SZT2: variants seen among roughly 807,000 people sequenced by gnomAD.
The protein encoded by SZT2 is SZT2 subunit of KICSTOR complex.
A neutral mutation model predicts 404.2 loss-of-function variants in SZT2; 216 were observed. The observed-to-expected ratio is 0.53, with a 90% CI of 0.48 to 0.60. SZT2 has a LOEUF of 0.60. SZT2 is among the 20% of genes least tolerant of loss of function. The pLI is 0.00. For synonymous variants in SZT2, 1,693 were observed against 1,749.9 expected (o/e 0.97, Z 0.81); for missense variants, 3,857 against 4,459.2 (o/e 0.86, Z 3.85).
At position 43,420,999 on chromosome 1, in the gene SZT2, A is replaced by C; in HGVS notation, c.1496+16A>C. The C allele has an allele frequency of 6.3e-7, 1 of 1,597,556 alleles. No individual in the cohort carries two copies. The highest frequency in any genetic ancestry group is 8.5e-7 in the Non-Finnish European group (1 of 1,179,034). The stretch of plus-strand genomic sequence containing the variant: ...CGCTGCAGAGGTCAGTGAAGTCATC[A>C]CTCAATGAGTGCTGCCCCATTTGTT... On this transcript the variant is annotated intron_variant, in intron 10 of 71. Coordinates refer to ENST00000634258, the MANE Select transcript of SZT2 (RefSeq NM_001365999.1). The surrounding 1 kb of genome is among the most constrained non-coding windows in gnomAD (Gnocchi z 5.1).
Position 43,431,024 on chromosome 1 carries a change from A to G in SZT2, c.4850A>G (p.Asp1617Gly). ...TTGAGGGACCTCAGTGTGACTCTGG[A>G]TGTCTTCATGCTGACTTTGCCCCTG... Reference protein sequence around the residue: ...VPLRDLSVTLDVFMLTLPLEV... With the variant: ...VPLRDLSVTLGVFMLTLPLEV... Residue 1617 changes from aspartate to glycine, a missense_variant, in exon 33 of 72, where the codon GAT (aspartate) becomes GGT (glycine). Coordinates refer to ENST00000634258, the MANE Select transcript of SZT2 (RefSeq NM_001365999.1). 1.2e-6 allele frequency: 2 copies of G among 1,614,024 alleles called. No individual in the cohort carries two copies. The highest frequency in any genetic ancestry group is 8.5e-7 in the Non-Finnish European group (1 of 1,180,012).
At chr1:43,390,826 A>AGGTGCCAACATATCAGTAGGTGGGAAG (rs1648206704) in intron 1 of SZT2, among the ~76,000 whole-genome samples, 1 of 152,244 alleles carries the variant, frequency 6.6e-6, no homozygotes, top group African/African-American at 2.4e-5. Context: ...CCACCAGGAA[A>AGGTGCCAACATATCAGTAGGTGGGAAG]GGTGCCAACA....
chr1:43,423,278 T>G lies in SZT2; in HGVS notation c.2217T>G (p.Leu739=). ...PQQALSDRPC[L]VVLHKPLDKL... is the part of the protein sequence containing the mutation. The stretch of plus-strand genomic sequence containing the variant: ...AGGCCCTGTCTGACCGGCCCTGCCT[T>G]GTGGTCCTGCATAAGCCACTGGACA... Residue 739 remains leucine, a synonymous_variant, in exon 15 of 72, where the codon CTT becomes CTG. Coordinates refer to ENST00000634258, the MANE Select transcript of SZT2 (RefSeq NM_001365999.1). The G allele has an allele frequency of 6.4e-7, 1 of 1,563,894 alleles. No individual in the cohort carries two copies. Among genetic ancestry groups the G allele is most frequent in the Non-Finnish European group, 8.6e-7 (1 of 1,163,332 alleles).
At chr1:43,432,485 C>A in intron 37 of SZT2, 32 bp from the exon 38 acceptor site, 2 of 1,577,486 alleles carry the variant, frequency 1.3e-6, no homozygotes, top group Non-Finnish European at 1.7e-6. Flanking sequence ...TGTGTGGGGC[C>A]TATACCTCAG....
chr1:43,446,387 A>G lies in SZT2; in HGVS notation c.9043A>G (p.Ile3015Val). The change falls in exon 65 of 72, where the codon ATC (isoleucine) becomes GTC (valine). Residue 3015 changes from isoleucine to valine, a missense_variant. Ile to Val is a conservative substitution (Grantham distance 29, BLOSUM62 3). This residue lies in a region of SZT2 where 717 missense variants were observed against 868.2 expected (regional missense o/e 0.83). Transcript: ENST00000634258. ...ACAGTTTGCCCTGGAATGTTCCCGA[A>G]TCCCAATGGGGCAGGCTGTCAACTC... The part of the protein sequence containing the change: ...VKQFALECSR[I>V]PMGQAVNSQL... The G allele has an allele frequency of 6.2e-7, 1 of 1,614,254 alleles. No individual in the cohort carries two copies. The highest frequency in any genetic ancestry group is 8.5e-7 in the Non-Finnish European group (1 of 1,180,040).
intron 7 of SZT2, among the ~76,000 whole-genome samples, chr1:43,417,799 G>A (rs892332445): frequency 2.0e-5 from 3 of 152,280 alleles, no homozygotes; most frequent in Middle Eastern, 3.4e-3. Flanking sequence ...ATTTATCAGG[G>A]TACAGATGGT....
chr1:43,453,797 T>A lies in SZT2; in HGVS notation c.*3317T>A, dbSNP rs1656742149. Reference sequence around the variant, plus strand: ...CGGAGAAGCGCAGCGGCGCCATGCCTGGGGAGGCCGGGCCGGGCGGAGTCC... The same window carrying A: ...CGGAGAAGCGCAGCGGCGCCATGCCAGGGGAGGCCGGGCCGGGCGGAGTCC... On this transcript the variant is annotated 3_prime_UTR_variant, in exon 72 of 72. Coordinates refer to ENST00000634258, the MANE Select transcript of SZT2 (RefSeq NM_001365999.1). The A allele has an allele frequency of 7.9e-7, 1 of 1,260,074 alleles. No homozygotes were observed. Among genetic ancestry groups the A allele is most frequent in the African/African-American group, 1.6e-5 (1 of 63,706 alleles). 78.1% of individuals were successfully genotyped at this position (1,260,074 alleles called of 1,614,324 possible). A position where few individuals can be genotyped will look rare whatever the true frequency, so the allele number is the denominator to read the frequency against.
chr1:43,415,044 T>C, intron 4 of SZT2, 38 bp from the exon 5 acceptor site: 1 of 1,590,842 alleles, frequency 6.3e-7, no homozygotes, highest in Non-Finnish European at 8.5e-7. Context: ...TGTGCCACCC[T>C]GACCGTCCTG....
rs1462746087 is a variant in SZT2, at chr1:43,448,075, C to G, written c.9564-4C>G. On this transcript the variant is annotated splice_region_variant and splice_polypyrimidine_tract_variant and intron_variant, in intron 68 of 71. Transcript: ENST00000634258. The surrounding 1 kb of genome is among the most constrained non-coding windows in gnomAD (Gnocchi z 4.2). ...CCACTCTCCTGCCCTGCTCCCCACC[C>G]CAGGCTACAGTTCTTCGTGGTGCTC... 1 of 1,598,798 alleles carries G rather than the reference C, an allele frequency of 6.3e-7. No homozygotes were observed. The highest frequency in any genetic ancestry group is 8.5e-7 in the Non-Finnish European group (1 of 1,169,644).
chr1:43,443,735 C>CA lies in SZT2; in HGVS notation c.8765dup (p.Tyr2923ValfsTer42). On this transcript the variant is annotated frameshift_variant, in exon 62 of 72. Transcript: ENST00000634258. LOFTEE classifies it high-confidence loss of function. ...CTTGGCTTTCCTGCAGCAATATGTGCAGTATCTGCAGAGCATAGGTTTTGT... is the reference window on the plus strand; with the variant it reads ...CTTGGCTTTCCTGCAGCAATATGTGCAAGTATCTGCAGAGCATAGGTTTTGT... 1 of 1,614,210 alleles carries CA rather than the reference C, an allele frequency of 6.2e-7. No homozygotes were observed. Among genetic ancestry groups the CA allele is most frequent in the Non-Finnish European group, 8.5e-7 (1 of 1,180,040 alleles).
intron 1 of SZT2, among the ~76,000 whole-genome samples, chr1:43,392,345 G>C (rs1007468309): frequency 1.3e-5 from 2 of 151,610 alleles, no homozygotes; most frequent in Non-Finnish European, 2.9e-5. Flanking sequence ...TTACCATATA[G>C]AGCAGTACAG....
In SZT2 at chr1:43,441,863, C is replaced by T. The variant is rs1655096187; in HGVS notation, c.7742+45C>T. 2.5e-6 allele frequency: 4 copies of T among 1,605,402 alleles called. No individual in the cohort carries two copies. Among genetic ancestry groups the T allele is most frequent in the Admixed American group, 1.7e-5 (1 of 59,774 alleles). ...AATTGAAGGGAACTCCCCTAGACTTCCTAAAAGCTGGGCCTACAGGAAGCC... is the reference window on the plus strand; with the variant it reads ...AATTGAAGGGAACTCCCCTAGACTTTCTAAAAGCTGGGCCTACAGGAAGCC... On this transcript the variant is annotated intron_variant, in intron 55 of 71. Transcript: ENST00000634258. This position sits in a 1 kb window ranked among gnomAD's most constrained non-coding sequence, Gnocchi z 4.8.
Position 43,426,228 on chromosome 1 carries a change from A to G in SZT2, c.3043+77A>G, listed in dbSNP as rs1570648905. ...GGAAGTATTAGAAAATAACAAACAGATGGGTCAGCAAGTGAGCAGATGAGT... is the reference window on the plus strand; with the variant it reads ...GGAAGTATTAGAAAATAACAAACAGGTGGGTCAGCAAGTGAGCAGATGAGT... On this transcript the variant is annotated intron_variant, in intron 21 of 71. Transcript: ENST00000634258. This position sits in a 1 kb window ranked among gnomAD's most constrained non-coding sequence, Gnocchi z 4.9. 2 of 1,534,724 alleles carry G rather than the reference A, an allele frequency of 1.3e-6. No homozygotes were observed. Among genetic ancestry groups the G allele is most frequent in the Middle Eastern group, 1.8e-4 (1 of 5,534 alleles).
rs72881993 is a variant in SZT2, at chr1:43,416,123, G to C, written c.772+22G>C. 2.7e-3 allele frequency: 4,272 copies of C among 1,595,260 alleles called. 54 individuals are homozygous for C. Among genetic ancestry groups the C allele is most frequent in the African/African-American group, 0.026 (1,941 of 74,932 alleles). On this transcript the variant is annotated intron_variant, in intron 6 of 71. Coordinates refer to ENST00000634258, the MANE Select transcript of SZT2 (RefSeq NM_001365999.1). ...GCAGGTCAGTAGAAGGAATATTGGT[G>C]GGACTGGGGAAGCAGGGATACAGGA... is the stretch of plus-strand genomic sequence containing the variant.
At position 43,446,945 on chromosome 1, in the gene SZT2, G is replaced by C. The variant is rs777930457; in HGVS notation, c.9073-10G>C. On this transcript the variant is annotated splice_polypyrimidine_tract_variant and intron_variant, in intron 65 of 71. Coordinates refer to ENST00000634258, the MANE Select transcript of SZT2 (RefSeq NM_001365999.1). Reference sequence around the variant, plus strand: ...TACCTTAACCCTGTCTCCTGCTGCTGCCTCCCCAGCTGTCCATGCTGTTCA... The same window carrying C: ...TACCTTAACCCTGTCTCCTGCTGCTCCCTCCCCAGCTGTCCATGCTGTTCA... The C allele has an allele frequency of 6.2e-7, 1 of 1,603,506 alleles. No individual in the cohort carries two copies.
chr1:43,401,482 TTTTTA>T (rs1649675758), intron 1 of SZT2, among the ~76,000 whole-genome samples: 1 of 152,080 alleles, frequency 6.6e-6, no homozygotes, highest in Non-Finnish European at 1.5e-5. Context: ...TTTTTCTTAC[TTTTTA>T]TTTTATTGTA....
chr1:43,450,856 C>T lies in SZT2; in HGVS notation c.*376C>T. 1.4e-6 allele frequency: 1 copy of T among 716,756 alleles called. No individual in the cohort carries two copies. The highest frequency in any genetic ancestry group is 1.4e-5 in the South Asian group (1 of 73,386). The allele number at this position is 716,756 out of a possible 1,614,324, so 44.4% of individuals were successfully genotyped here. A position where few individuals can be genotyped will look rare whatever the true frequency, so the allele number is the denominator to read the frequency against. ...CCCCCTAGCCTTTGACCACTGTCAG[C>T]CACCTGTGTCCCTTGAGCCTTCGGG... is the stretch of plus-strand genomic sequence containing the variant. On this transcript the variant is annotated 3_prime_UTR_variant, in exon 72 of 72. Coordinates refer to ENST00000634258, the MANE Select transcript of SZT2 (RefSeq NM_001365999.1). The surrounding 1 kb of genome is among the most constrained non-coding windows in gnomAD (Gnocchi z 4.3).
intron 4 of SZT2, among the ~76,000 whole-genome samples, chr1:43,408,920 C>T (rs755451477): frequency 2.0e-5 from 3 of 152,014 alleles, no homozygotes; most frequent in Non-Finnish European, 4.4e-5. Flanking sequence ...GGTCAGGGTC[C>T]GAGAGAAGTG....
chr1:43,422,656 C>CT, intron 13 of SZT2, 24 bp downstream of exon 13: 1 of 1,237,784 alleles, frequency 8.1e-7, no homozygotes, highest in Non-Finnish European at 1.0e-6. Flanking sequence ...TGTCCCTTCA[C>CT]CCCCCGCCCC....
Sources: allele counts gnomAD v4.1 joint callset (sites outside exome capture counted in the v4.1 genomes callset), GRCh38; gene constraint gnomAD v4.1.1; regional missense constraint gnomAD v4.1.1; non-coding constraint Gnocchi (gnomAD v3.1); transcripts MANE v1.5; gene names NCBI Gene and HGNC (gene_info 2026-07-23, HGNC 2026-07-21).